POU6F2: variants seen among roughly 807,000 people sequenced by gnomAD.
POU6F2 encodes the protein POU class 6 homeobox 2, also known as POU domain, class 6, transcription factor 2.
Under a neutral mutation model 71.3 loss-of-function variants are expected in POU6F2, and 31 were observed. That is an observed-to-expected ratio of 0.43 (90% CI 0.33 to 0.59). POU6F2 has a LOEUF of 0.59. POU6F2 is among the 20% of genes least tolerant of loss of function. POU6F2 has a pLI of 0.04. For synonymous variants in POU6F2, 347 were observed against 355.7 expected (o/e 0.98, Z 0.27); for missense variants, 783 against 856.8 (o/e 0.91, Z 1.07).
At chr7:39,382,660 C>G (rs571230320) in intron 5 of POU6F2, among the ~76,000 whole-genome samples, 1 of 152,314 alleles carries the variant, frequency 6.6e-6, no homozygotes, top group African/African-American at 2.4e-5. Context: ...GGAATTGTAG[C>G]TTGCAGGTTT....
At chr7:39,173,603 T>A (rs1470354606) in intron 2 of POU6F2, among the ~76,000 whole-genome samples, 2 of 152,242 alleles carry the variant, frequency 1.3e-5, no homozygotes, top group Non-Finnish European at 2.9e-5. Flanking sequence ...AATGAATTAT[T>A]TGGAAGCTAA....
chr7:39,410,680 A>C (rs1177240259), intron 6 of POU6F2, among the ~76,000 whole-genome samples: 1 of 152,198 alleles, frequency 6.6e-6, no homozygotes, highest in Non-Finnish European at 1.5e-5. Context: ...TAGGTTATGA[A>C]GATTAAATGA....
chr7:39,017,832 G>GTA (rs1408266181), intron 1 of POU6F2, among the ~76,000 whole-genome samples: 1 of 151,682 alleles, frequency 6.6e-6, no homozygotes, highest in East Asian at 1.9e-4. Context: ...GTGTGTGTGT[G>GTA]TGTGTGTGTG....
chr7:39,339,781 G>T lies in POU6F2; in HGVS notation c.738G>T (p.Gln246His). Residue 246 changes from glutamine (Q) to histidine (H), a missense_variant, in exon 5 of 10, where the codon CAG becomes CAT. Physicochemically the swap from Gln to His is conservative, Grantham distance 24. Transcript: ENST00000518318. ...CACAGGCGCCCTCGCAGTCCCAGCAGCAGCCGCTGCAGCCCACCCCACCCC... is the reference window on the plus strand; with the variant it reads ...CACAGGCGCCCTCGCAGTCCCAGCATCAGCCGCTGCAGCCCACCCCACCCC... The part of the protein sequence containing the change: ...PAPQAPSQSQ[Q>H]QPLQPTPPQQ... 1 of 1,572,168 alleles carries T rather than the reference G, an allele frequency of 6.4e-7. No individual in the cohort carries two copies. Among genetic ancestry groups the T allele is most frequent in the South Asian group, 1.1e-5 (1 of 87,010 alleles).
chr7:39,394,106 A>G (rs1282836145), intron 5 of POU6F2, among the ~76,000 whole-genome samples: 1 of 152,262 alleles, frequency 6.6e-6, no homozygotes, highest in African/African-American at 2.4e-5. Flanking sequence ...CTGAGATCTC[A>G]TAATAAACTA....
At chr7:39,252,905 A>G (rs1562764289) in intron 4 of POU6F2, among the ~76,000 whole-genome samples, 1 of 152,208 alleles carries the variant, frequency 6.6e-6, no homozygotes, top group South Asian at 2.1e-4. Flanking sequence ...ACACTATGCG[A>G]TAGACCATGT....
intron 4 of POU6F2, among the ~76,000 whole-genome samples, chr7:39,252,429 C>T (rs1353825627): frequency 6.6e-6 from 1 of 151,504 alleles, no homozygotes; most frequent in African/African-American, 2.4e-5. Flanking sequence ...CACACACACA[C>T]ACACACACGG....
intron 2 of POU6F2, among the ~76,000 whole-genome samples, chr7:39,103,694 G>T (rs1791620503): frequency 6.6e-6 from 1 of 152,122 alleles, no homozygotes; most frequent in Non-Finnish European, 1.5e-5. Context: ...TCTGTTTCTA[G>T]TTTTTGCTTT....
Position 39,350,658 on chromosome 7 carries a change from G to A in POU6F2, c.972+10643G>A, listed in dbSNP as rs145341333. ...CCCTGCATGCAATGATCACATTAAA[G>A]CCATTTGACACATCTTCAAGGCACA... is the stretch of plus-strand genomic sequence containing the variant. On this transcript the variant is annotated intron_variant, in intron 5 of 9. Coordinates refer to ENST00000518318, the MANE Select transcript of POU6F2 (RefSeq NM_001370959.1). 9.2e-3 allele frequency among the ~76,000 whole-genome samples: 1,396 copies of A among 152,266 alleles called. 21 individuals carry two copies. The highest frequency in any genetic ancestry group is 0.029 in the African/African-American group (1,210 of 41,554).
At chr7:39,320,456 G>A (rs747678401) in intron 4 of POU6F2, among the ~76,000 whole-genome samples, 10 of 152,008 alleles carry the variant, frequency 6.6e-5, no homozygotes, top group South Asian at 2.1e-4. Flanking sequence ...CACATCTCTC[G>A]GTAAAGGGTA....
intron 2 of POU6F2, among the ~76,000 whole-genome samples, chr7:39,135,119 G>C (rs894712686): frequency 1.3e-5 from 2 of 152,098 alleles, no homozygotes; most frequent in African/African-American, 4.8e-5. Flanking sequence ...CAAGACATGA[G>C]CTTCTGATAA....
At chr7:39,368,466 A>C (rs928714800) in intron 5 of POU6F2, among the ~76,000 whole-genome samples, 1 of 152,234 alleles carries the variant, frequency 6.6e-6, no homozygotes, top group African/African-American at 2.4e-5. Flanking sequence ...CCATCTCCAT[A>C]ATGTAAAAGT....
intron 1 of POU6F2, among the ~76,000 whole-genome samples, chr7:39,035,735 C>G (rs375959992): frequency 1.2e-4 from 18 of 149,946 alleles, no homozygotes; most frequent in Non-Finnish European, 2.2e-4. Context: ...TTTTTTTTCT[C>G]CACTCTAAAA....
chr7:39,014,928 C>T (rs2128704613), intron 1 of POU6F2, among the ~76,000 whole-genome samples: 1 of 152,246 alleles, frequency 6.6e-6, no homozygotes, highest in East Asian at 1.9e-4. Flanking sequence ...CTTCTTGCTA[C>T]TGCTGTTGAC....
chr7:39,212,385 T>G (rs1434373498), intron 4 of POU6F2, among the ~76,000 whole-genome samples: 3 of 152,144 alleles, frequency 2.0e-5, no homozygotes, highest in Non-Finnish European at 4.4e-5. Flanking sequence ...AGGTTCTGAG[T>G]GTTTTGAACG....
chr7:39,157,394 A>AT (rs1332964686), intron 2 of POU6F2, among the ~76,000 whole-genome samples: 1 of 152,126 alleles, frequency 6.6e-6, no homozygotes, highest in Non-Finnish European at 1.5e-5. Flanking sequence ...CATCAGAAGC[A>AT]TTCTAGAGGG....
intron 1 of POU6F2, among the ~76,000 whole-genome samples, chr7:38,988,755 T>C (rs916325683): frequency 3.9e-5 from 6 of 152,142 alleles, no homozygotes; most frequent in Non-Finnish European, 2.9e-5. Context: ...CGCAAGGCCC[T>C]GCAAGACAGT....
At chr7:39,158,783 G>T (rs913386104) in intron 2 of POU6F2, among the ~76,000 whole-genome samples, 2 of 152,106 alleles carry the variant, frequency 1.3e-5, no homozygotes, top group African/African-American at 2.4e-5. Flanking sequence ...TTGAAATGCC[G>T]TCTTTTCTGG....
intron 1 of POU6F2, among the ~76,000 whole-genome samples, chr7:39,069,433 C>T (rs1436965118): frequency 2.6e-5 from 4 of 152,120 alleles, no homozygotes; most frequent in African/African-American, 9.7e-5. Context: ...CATTTTCTGA[C>T]GAGCTCAAGA....
Sources: gnomAD v4.1 joint callset for allele counts (sites outside exome capture counted in the v4.1 genomes callset) on GRCh38, gnomAD v4.1.1 for gene constraint, MANE v1.5 for transcripts, NCBI Gene and HGNC (gene_info 2026-07-23, HGNC 2026-07-21) for gene names.